The following PALM variants were observed in gnomAD, a reference collection of about 807,000 sequenced individuals.
PALM encodes the protein paralemmin-1.
Under a neutral mutation model 30.7 loss-of-function variants are expected in PALM, and 18 were observed. The observed-to-expected ratio is 0.59, with a 90% CI of 0.41 to 0.87. The LOEUF (loss-of-function observed/expected upper bound fraction) is 0.87. Ranked by LOEUF, PALM falls within the 40% of genes least tolerant of loss-of-function variation. PALM has a pLI of 0.00. For synonymous variants in PALM, 286 were observed against 242.8 expected, an observed-to-expected ratio of 1.18 and a Z score of -1.66; for missense variants, 529 against 555.4, an observed-to-expected ratio of 0.95 and a Z score of 0.48.
At chr19:728,574 G>A (rs529634965) in intron 4 of PALM, among the ~76,000 whole-genome samples, 10 of 152,310 alleles carry the variant, frequency 6.6e-5, no homozygotes, top group South Asian at 6.2e-4. Flanking sequence ...TTGGGAAGCC[G>A]AGGCAGGAGG....
intron 1 of PALM, among the ~76,000 whole-genome samples, chr19:710,407 C>T (rs2032033173): frequency 6.6e-6 from 1 of 152,184 alleles, no homozygotes. Context: ...CTTGCCTGCT[C>T]CACACCCCCA....
intron 1 of PALM, among the ~76,000 whole-genome samples, chr19:718,501 C>T (rs1445795745): frequency 3.3e-5 from 5 of 152,322 alleles, no homozygotes; most frequent in South Asian, 2.1e-4. Flanking sequence ...GCCCCGTTCA[C>T]GCCTCACTGC....
At position 739,809 on chromosome 19, in the gene PALM, C is replaced by G. The variant is rs111309930; in HGVS notation, c.503-543C>G. ...TGACCAACATAGAGAAACCCCGTCT[C>G]TACTAAAAATACAAAAATTAGCTGG... On this transcript the variant is annotated intron_variant, in intron 7 of 8. Coordinates refer to ENST00000338448, the MANE Select transcript of PALM (RefSeq NM_002579.3). 7.5e-3 allele frequency among the ~76,000 whole-genome samples: 1,135 copies of G among 152,236 alleles called. 15 individuals are homozygous for G. Among genetic ancestry groups the G allele is most frequent in the African/African-American group, 0.026 (1,080 of 41,532 alleles).
At chr19:736,152 G>A (rs2033018553) in intron 7 of PALM, 74 bp downstream of exon 7, 1 of 1,061,858 alleles carries the variant, frequency 9.4e-7, no homozygotes, top group Middle Eastern at 2.1e-4. Context: ...GGGGGGCCGG[G>A]TGGGGCGGGG....
At chr19:734,560 C>G (rs868329931) in intron 6 of PALM, 1 of 258,508 alleles carries the variant, frequency 3.9e-6, no homozygotes, top group African/African-American at 2.3e-5. Flanking sequence ...AAAAATTAGC[C>G]GCCGGCCAGG....
intron 1 of PALM, among the ~76,000 whole-genome samples, chr19:715,015 G>T (rs2032211553): frequency 6.6e-6 from 1 of 152,186 alleles, no homozygotes; most frequent in African/African-American, 2.4e-5. Flanking sequence ...TGTAATCCCA[G>T]TTCTTTGGAA....
rs2033358439 is a variant in PALM at position 746,746 on chromosome 19, G to A, written c.1096G>A (p.Ala366Thr). Residue 366 changes from alanine (A) to threonine (T), a missense_variant, in exon 9 of 9, where the codon GCC becomes ACC. Transcript: ENST00000338448. The surrounding 1 kb of genome is among the most constrained non-coding windows in gnomAD (Gnocchi z 7.1). ...SREENQAGPE[A>T]TTSDPQDLDM... is the part of the protein sequence containing the mutation. ...GGAAGAGAATCAGGCGGGGCCCGAG[G>A]CCACCACCAGCGACCCCCAGGACCT... 2 of 1,598,320 alleles carry A rather than the reference G, an allele frequency of 1.3e-6. No homozygotes were observed. Among genetic ancestry groups the A allele is most frequent in the African/African-American group, 1.3e-5 (1 of 74,702 alleles).
chr19:721,242 G>A (rs1285022747), intron 1 of PALM, among the ~76,000 whole-genome samples: 5 of 152,124 alleles, frequency 3.3e-5, no homozygotes, highest in Non-Finnish European at 7.4e-5. Context: ...AGCTGGAGAG[G>A]GACAGGGTCT....
rs369962423 is a variant in PALM at position 726,133 on chromosome 19, C to G, written c.6-5C>G. 8 of 1,612,280 alleles carry G rather than the reference C, an allele frequency of 5.0e-6. No homozygotes were observed. Among genetic ancestry groups the G allele is most frequent in the Non-Finnish European group, 5.9e-6 (7 of 1,178,738 alleles). Reference sequence around the variant, plus strand: ...CCAGAGCTTGACCTTATCTCCCTCCCGCAGGGTCCTGGCGGCAGAGACCAC... The same window carrying G: ...CCAGAGCTTGACCTTATCTCCCTCCGGCAGGGTCCTGGCGGCAGAGACCAC... On this transcript the variant is annotated splice_polypyrimidine_tract_variant and splice_region_variant and intron_variant, in intron 1 of 8. Transcript: ENST00000338448.
chr19:713,243 C>CA (rs2032143455), intron 1 of PALM, among the ~76,000 whole-genome samples: 1 of 151,994 alleles, frequency 6.6e-6, no homozygotes. Context: ...TTGAGAAACA[C>CA]AGACGGTGGC....
At chr19:738,352 C>T (rs2033084697) in intron 7 of PALM, among the ~76,000 whole-genome samples, 1 of 152,076 alleles carries the variant, frequency 6.6e-6, no homozygotes, top group Non-Finnish European at 1.5e-5. Context: ...CGGTGAAACC[C>T]TGTCTCTAGT....
chr19:745,427 C>T (rs2033310129), intron 8 of PALM, among the ~76,000 whole-genome samples: 1 of 152,168 alleles, frequency 6.6e-6, no homozygotes, highest in South Asian at 2.1e-4. Context: ...GGTGCGGTGG[C>T]TCACGCCTGT....
intron 5 of PALM, among the ~76,000 whole-genome samples, chr19:732,589 GGAGGCT>G (rs1263797722): frequency 1.3e-5 from 2 of 152,142 alleles, no homozygotes; most frequent in African/African-American, 4.8e-5. Context: ...CAGCTGCTCG[GGAGGCT>G]GAGGCTGAGA....
intron 8 of PALM, among the ~76,000 whole-genome samples, chr19:744,360 A>G (rs994215169): frequency 1.3e-5 from 2 of 149,880 alleles, no homozygotes; most frequent in Non-Finnish European, 3.0e-5. Flanking sequence ...AGATGGCACC[A>G]CTGCACTCCA....
In PALM at chr19:737,811, T is replaced by TG. The variant is rs1599163082; in HGVS notation, c.502+1735dup. Among the ~76,000 whole-genome samples, 3 of 151,330 alleles carry TG rather than the reference T, an allele frequency of 2.0e-5. No homozygotes were observed. In the East Asian group the frequency reaches 5.8e-4, roughly 29 times the overall value. On this transcript the variant is annotated intron_variant, in intron 7 of 8. Coordinates refer to ENST00000338448, the MANE Select transcript of PALM (RefSeq NM_002579.3). ...GGGGGAGAGGGCGGAGGAGAGATGA[T>TG]GGAGAGATTGTTGAGGGCCCTGTGG...
At position 717,461 on chromosome 19, in the gene PALM, G is replaced by A. The variant is rs541501479; in HGVS notation, c.5+8310G>A. 9.9e-4 allele frequency among the ~76,000 whole-genome samples: 151 copies of A among 152,140 alleles called. No individual in the cohort carries two copies. In the Middle Eastern group the frequency reaches 0.01, roughly 10 times the overall value. On this transcript the variant is annotated intron_variant, in intron 1 of 8. Coordinates refer to ENST00000338448, the MANE Select transcript of PALM (RefSeq NM_002579.3). ...CGTGATGTCCTCAAGGTGCATCCGC[G>A]CCGTGGCCTGGGTCAGAGCCTCGCT...
chr19:735,868 T>G (rs1042934563), intron 6 of PALM, 151 bp from the exon 7 acceptor site: 63 of 628,778 alleles, frequency 1.0e-4, no homozygotes, highest in Admixed American at 5.5e-4. Context: ...GGGCCCAGGT[T>G]CCTGTGTCTG....
intron 1 of PALM, among the ~76,000 whole-genome samples, chr19:713,092 G>T (rs1265570502): frequency 6.6e-6 from 1 of 152,208 alleles, no homozygotes; most frequent in Non-Finnish European, 1.5e-5. Context: ...TTTGCTGCTG[G>T]GTGGGCCGAG....
chr19:719,809 G>T (rs1329156498), intron 1 of PALM, among the ~76,000 whole-genome samples: 2 of 152,274 alleles, frequency 1.3e-5, no homozygotes, highest in South Asian at 4.1e-4. Context: ...AGGCCGCCCT[G>T]CCCGGCCTCA....
Sources: gnomAD v4.1 joint callset for allele counts (sites outside exome capture counted in the v4.1 genomes callset) on GRCh38, gnomAD v4.1.1 for gene constraint, Gnocchi (gnomAD v3.1) non-coding constraint, MANE v1.5 for transcripts, NCBI Gene and HGNC (gene_info 2026-07-23, HGNC 2026-07-21) for gene names.